Variants in HS6ST3 observed in about 807,000 individuals in gnomAD.
HS6ST3 encodes heparan sulfate 6-O-sulfotransferase 3, also known as heparan-sulfate 6-O-sulfotransferase 3.
HS6ST3 carries 12 observed loss-of-function variants against 36.7 expected under a neutral mutation model. The ratio of observed to expected loss-of-function variants is 0.33; its 90% CI spans 0.21 to 0.53. The LOEUF is 0.53. HS6ST3 is among the 20% of genes least tolerant of loss of function. HS6ST3 has a pLI of 0.95. For missense variants in HS6ST3, 584 were observed against 640.9 expected (o/e 0.91, Z 0.96); for synonymous variants, 240 against 257.5 (o/e 0.93, Z 0.65).
intron 1 of HS6ST3, among the ~76,000 whole-genome samples, chr13:96,407,785 G>A (rs908916131): frequency 4.6e-5 from 7 of 152,142 alleles, no homozygotes; most frequent in Admixed American, 3.9e-4. Flanking sequence ...AATAACAAGG[G>A]AAATGCTAAA....
chr13:96,725,388 C>A (rs1875977232), intron 1 of HS6ST3, among the ~76,000 whole-genome samples: 1 of 152,066 alleles, frequency 6.6e-6, no homozygotes. Flanking sequence ...TGAAGTTAAT[C>A]ATATTTTTCT....
intron 1 of HS6ST3, among the ~76,000 whole-genome samples, chr13:96,532,390 T>A (rs1347345113): frequency 6.6e-6 from 1 of 152,240 alleles, no homozygotes; most frequent in Non-Finnish European, 1.5e-5. Context: ...CATATGCAAA[T>A]GTGTTGCACA....
intron 1 of HS6ST3, among the ~76,000 whole-genome samples, chr13:96,592,186 T>A (rs921575887): frequency 6.6e-6 from 1 of 152,284 alleles, no homozygotes; most frequent in Non-Finnish European, 1.5e-5. Context: ...TTGACTTTGG[T>A]ATAAAGGTAA....
At chr13:96,426,815 A>T (rs2055589254) in intron 1 of HS6ST3, among the ~76,000 whole-genome samples, 1 of 152,162 alleles carries the variant, frequency 6.6e-6, no homozygotes, top group African/African-American at 2.4e-5. Flanking sequence ...ATGTTGCACA[A>T]GTTGAACTTA....
intron 1 of HS6ST3, among the ~76,000 whole-genome samples, chr13:96,774,434 A>G (rs568043659): frequency 2.0e-5 from 3 of 152,340 alleles, no homozygotes; most frequent in African/African-American, 4.8e-5. Context: ...AGAACCTTGA[A>G]AAAAGGTTAG....
chr13:96,749,713 TTCTTC>T (rs1284960642), intron 1 of HS6ST3, among the ~76,000 whole-genome samples: 5 of 152,168 alleles, frequency 3.3e-5, no homozygotes, highest in Non-Finnish European at 5.9e-5. Flanking sequence ...AAATTTTAAT[TTCTTC>T]TATGGTCACT....
chr13:96,684,535 G>A (rs1324450223), intron 1 of HS6ST3, among the ~76,000 whole-genome samples: 6 of 152,010 alleles, frequency 3.9e-5, no homozygotes, highest in African/African-American at 1.4e-4. Context: ...TTCTCTGTAT[G>A]CGCATATTGG....
At chr13:96,697,851 C>A (rs1173893407) in intron 1 of HS6ST3, among the ~76,000 whole-genome samples, 1 of 152,026 alleles carries the variant, frequency 6.6e-6, no homozygotes, top group East Asian at 1.9e-4. Flanking sequence ...TGGTACAATG[C>A]CTTTTTGAAG....
At chr13:96,094,902 G>A (rs2053782461) in intron 1 of HS6ST3, among the ~76,000 whole-genome samples, 1 of 151,876 alleles carries the variant, frequency 6.6e-6, no homozygotes, top group African/African-American at 2.4e-5. Flanking sequence ...TTTTTGGCAG[G>A]CCATTCTTTC....
At chr13:96,288,088 T>G (rs1336084800) in intron 1 of HS6ST3, among the ~76,000 whole-genome samples, 2 of 152,176 alleles carry the variant, frequency 1.3e-5, no homozygotes, top group Non-Finnish European at 2.9e-5. Flanking sequence ...ACTGCAGATT[T>G]ACTGATTCAG....
At chr13:96,517,342 T>C (rs563295611) in intron 1 of HS6ST3, among the ~76,000 whole-genome samples, 1 of 152,266 alleles carries the variant, frequency 6.6e-6, no homozygotes, top group Admixed American at 6.5e-5. Context: ...ATTGTGCTGC[T>C]GCACTCCAGC....
At chr13:96,734,571 C>T (rs1876236076) in intron 1 of HS6ST3, among the ~76,000 whole-genome samples, 1 of 152,162 alleles carries the variant, frequency 6.6e-6, no homozygotes, top group South Asian at 2.1e-4. Flanking sequence ...GATGTAATTG[C>T]TCCCTCAGAA....
chr13:96,095,198 G>A (rs1424683778), intron 1 of HS6ST3, among the ~76,000 whole-genome samples: 1 of 152,238 alleles, frequency 6.6e-6, no homozygotes, highest in Admixed American at 6.5e-5. Context: ...TATGGAAAGT[G>A]CAGTGGAGTG....
rs568538014 is a variant in HS6ST3, at chr13:96,796,282, A to G, written c.708-36208A>G. On this transcript the variant is annotated intron_variant, in intron 1 of 1. Coordinates refer to ENST00000376705, the MANE Select transcript of HS6ST3 (RefSeq NM_153456.4). ...GCCTCATCATATTTTCCTTTTCCAC[A>G]TGACAGCGATAAACAGATCTTGGCA... 1.2e-4 allele frequency among the ~76,000 whole-genome samples: 18 copies of G among 152,222 alleles called. No homozygotes were observed. The South Asian group carries it at 3.7e-3, about 32-fold the overall frequency.
chr13:96,216,924 G>C (rs911820641), intron 1 of HS6ST3, among the ~76,000 whole-genome samples: 1 of 152,170 alleles, frequency 6.6e-6, no homozygotes, highest in Non-Finnish European at 1.5e-5. Flanking sequence ...CTTTTCTGTC[G>C]CTGCATGCCT....
intron 1 of HS6ST3, among the ~76,000 whole-genome samples, chr13:96,182,643 A>G (rs2054245232): frequency 6.6e-6 from 1 of 152,216 alleles, no homozygotes; most frequent in South Asian, 2.1e-4. Context: ...CCTGTTATGA[A>G]CAAAGGCATA....
At chr13:96,361,981 G>T (rs1046870314) in intron 1 of HS6ST3, among the ~76,000 whole-genome samples, 3 of 152,162 alleles carry the variant, frequency 2.0e-5, no homozygotes, top group Non-Finnish European at 2.9e-5. Flanking sequence ...AGAAACTCTG[G>T]TAATGGGACC....
At chr13:96,226,377 A>G (rs1206028329) in intron 1 of HS6ST3, among the ~76,000 whole-genome samples, 6 of 152,102 alleles carry the variant, frequency 3.9e-5, no homozygotes, top group African/African-American at 7.2e-5. Flanking sequence ...AAAATTAGCC[A>G]TGCATGGTGG....
intron 1 of HS6ST3, among the ~76,000 whole-genome samples, chr13:96,378,668 T>C (rs892783663): frequency 6.6e-6 from 1 of 152,204 alleles, no homozygotes; most frequent in African/African-American, 2.4e-5. Flanking sequence ...GGGCTCACAT[T>C]CAGCCCTTGT....
Sources: allele counts gnomAD v4.1 joint callset (sites outside exome capture counted in the v4.1 genomes callset), GRCh38; gene constraint gnomAD v4.1.1; transcripts MANE v1.5; gene names NCBI Gene and HGNC (gene_info 2026-07-23, HGNC 2026-07-21).